Variants in TBC1D8 observed in about 807,000 individuals in gnomAD.
TBC1D8 encodes BUB2-like protein 1.
TBC1D8 carries 65 observed loss-of-function variants against 118.8 expected under a neutral mutation model. That is an observed-to-expected ratio of 0.55 (90% confidence interval 0.45 to 0.67). The LOEUF (loss-of-function observed/expected upper bound fraction) is 0.67. TBC1D8 is among the 30% of genes least tolerant of loss of function. The pLI, the probability that TBC1D8 is intolerant of heterozygous loss-of-function variation, is 0.00. For missense variants in TBC1D8, 1,376 were observed against 1,471.2 expected (o/e 0.94, Z 1.06); for synonymous variants, 566 against 595.8 (o/e 0.95, Z 0.73).
intron 1 of TBC1D8, among the ~76,000 whole-genome samples, chr2:101,117,568 C>CTTTTTT (rs201852112): frequency 1.7e-5 from 2 of 119,700 alleles, no homozygotes; most frequent in Non-Finnish European, 3.4e-5. Flanking sequence ...GGAGGCAGAA[C>CTTTTTT]TTTTTTTTTT....
intron 11 of TBC1D8, among the ~76,000 whole-genome samples, chr2:101,031,295 G>C (rs865951118): frequency 6.6e-6 from 1 of 152,196 alleles, no homozygotes; most frequent in South Asian, 2.1e-4. Flanking sequence ...GAAGGCTCAG[G>C]AAAGGGTACA....
At chr2:101,044,555 G>C (rs1253280303) in intron 5 of TBC1D8, among the ~76,000 whole-genome samples, 1 of 152,146 alleles carries the variant, frequency 6.6e-6, no homozygotes, top group African/African-American at 2.4e-5. Flanking sequence ...GAGAAGAACA[G>C]ACATTGGTGA....
chr2:101,119,894 C>A (rs1678020275), intron 1 of TBC1D8, among the ~76,000 whole-genome samples: 2 of 152,204 alleles, frequency 1.3e-5, no homozygotes, highest in Admixed American at 6.5e-5. Flanking sequence ...ATCAAATATT[C>A]CAGCCTTAGC....
Position 101,038,495 on chromosome 2 carries a change from G to A in TBC1D8, c.1241C>T (p.Pro414Leu), listed in dbSNP as rs771490829. 2.5e-6 allele frequency: 4 copies of A among 1,613,814 alleles called. No individual in the cohort carries two copies. The South Asian group carries it at 4.4e-5, about 18-fold the overall frequency. The change falls in exon 7 of 20, where the codon CCC (proline) becomes CTC (leucine). Residue 414 changes from proline to leucine, a missense_variant. Physicochemically the swap from Pro to Leu is moderately conservative, Grantham distance 98. Transcript: ENST00000409318. Reference sequence around the variant, plus strand: ...ATCCGCAGAGGTGTCGTAGTGCACGGGGTGGTTGGCGTGGACCTGCTTCAA... The same window carrying A: ...ATCCGCAGAGGTGTCGTAGTGCACGAGGTGGTTGGCGTGGACCTGCTTCAA... Reference protein sequence around the residue: ...ARLKQVHANHPVHYDTSADDD... With the variant: ...ARLKQVHANHLVHYDTSADDD...
At position 101,012,818 on chromosome 2, in the gene TBC1D8, T is replaced by G. The variant is rs146722101; in HGVS notation, c.2828-1278A>C. Among the ~76,000 whole-genome samples the G allele has an allele frequency of 2.5e-3, 387 of 152,310 alleles. 4 individuals are homozygous for G. The highest frequency in any genetic ancestry group is 9.0e-3 in the African/African-American group (375 of 41,560). Reference sequence around the variant, plus strand: ...ATAAATCAAAGGCAAAATTCAGCTGTGATTCAACAAGCTTCCACAAGATGG... The same window carrying G: ...ATAAATCAAAGGCAAAATTCAGCTGGGATTCAACAAGCTTCCACAAGATGG... On this transcript the variant is annotated intron_variant, in intron 17 of 19. Transcript: ENST00000409318.
At chr2:101,014,572 A>G (rs1679474340) in intron 17 of TBC1D8, among the ~76,000 whole-genome samples, 1 of 152,154 alleles carries the variant, frequency 6.6e-6, no homozygotes, top group South Asian at 2.1e-4. Flanking sequence ...TCCTGGCTGG[A>G]TTCATCATTT....
intron 5 of TBC1D8, among the ~76,000 whole-genome samples, chr2:101,048,983 C>T (rs147370591): frequency 2.0e-3 from 297 of 152,282 alleles, no homozygotes; most frequent in African/African-American, 6.9e-3. Flanking sequence ...GTGCAGCTCA[C>T]ATTTTGCTGA....
chr2:101,117,550 G>A (rs1447209250), intron 1 of TBC1D8, among the ~76,000 whole-genome samples: 1 of 150,314 alleles, frequency 6.7e-6, no homozygotes, highest in Non-Finnish European at 1.5e-5. Flanking sequence ...GCCTATGACA[G>A]TTGGTTAGGA....
At position 101,127,337 on chromosome 2, in the gene TBC1D8, GA is replaced by G. The variant is rs529661320; in HGVS notation, c.127+23789del. Reference sequence around the variant, plus strand: ...GGCAACAGTGCAAGACTTCATCTCAGAAAAAAAAAAAAAAGAGAAAGAAGGA... The same window carrying G: ...GGCAACAGTGCAAGACTTCATCTCAGAAAAAAAAAAAAAGAGAAAGAAGGA... On this transcript the variant is annotated intron_variant, in intron 1 of 19. Coordinates refer to ENST00000409318, the MANE Select transcript of TBC1D8 (RefSeq NM_001330348.2). Among the ~76,000 whole-genome samples, 296 of 122,604 alleles carry G rather than the reference GA, an allele frequency of 2.4e-3. 1 individual carries two copies. Among genetic ancestry groups the G allele is most frequent in the East Asian group, 0.01 (45 of 4,294 alleles). The allele number at this position is 122,604 out of a possible 152,430, so 80.4% of individuals were successfully genotyped here.
Position 101,151,242 on chromosome 2 carries a change from C to A in TBC1D8, c.12G>T (p.Lys4Asn). ...CGTTCTTCAGCAGCACCTCCTCGGGCTTGAGCCACATCGCGGCGGTCCGGC... is the reference window on the plus strand; with the variant it reads ...CGTTCTTCAGCAGCACCTCCTCGGGATTGAGCCACATCGCGGCGGTCCGGC... Reference protein sequence around the residue: MWLKPEEVLLKNAL... With the variant: MWLNPEEVLLKNAL... Residue 4 changes from lysine to asparagine, a missense_variant, in exon 1 of 20, where the codon AAG (lysine) becomes AAT (asparagine). Physicochemically the swap from Lys to Asn is moderately conservative, Grantham distance 94. Coordinates refer to ENST00000409318, the MANE Select transcript of TBC1D8 (RefSeq NM_001330348.2). 8.3e-7 allele frequency: 1 copy of A among 1,200,306 alleles called. No homozygotes were observed. The highest frequency in any genetic ancestry group is 1.1e-6 in the Non-Finnish European group (1 of 946,128). The allele number at this position is 1,200,306 out of a possible 1,614,324, so 74.4% of individuals were successfully genotyped here.
intron 15 of TBC1D8, among the ~76,000 whole-genome samples, chr2:101,026,039 G>C (rs575132423): frequency 2.0e-5 from 3 of 152,208 alleles, no homozygotes; most frequent in Non-Finnish European, 4.4e-5. Context: ...GGTTGGCTTT[G>C]AAGGCCTTTT....
intron 1 of TBC1D8, among the ~76,000 whole-genome samples, chr2:101,093,869 C>A (rs1406976651): frequency 6.6e-6 from 1 of 152,106 alleles, no homozygotes. Flanking sequence ...GCCACCACGC[C>A]TAGCTAATTT....
chr2:101,151,034 T>G, intron 1 of TBC1D8, 93 bp downstream of exon 1: 1 of 907,024 alleles, frequency 1.1e-6, no homozygotes, highest in Non-Finnish European at 1.3e-6. Context: ...AGAAATCGCC[T>G]CTGGCGACGC....
At chr2:101,078,987 G>A (rs567085850) in intron 2 of TBC1D8, among the ~76,000 whole-genome samples, 3 of 152,192 alleles carry the variant, frequency 2.0e-5, no homozygotes, top group African/African-American at 7.2e-5. Context: ...TGGGCCCCCG[G>A]GGACCTCATG....
At chr2:101,059,211 C>CTTTTTT (rs142846099) in intron 3 of TBC1D8, among the ~76,000 whole-genome samples, 1 of 140,332 alleles carries the variant, frequency 7.1e-6, no homozygotes, top group African/African-American at 2.7e-5. Flanking sequence ...CCAGCCAAGT[C>CTTTTTT]TTTTTTTTTT....
At chr2:101,008,359 A>G (rs1466275462) in intron 19 of TBC1D8, 86 bp from the exon 20 acceptor site, 1 of 1,058,370 alleles carries the variant, frequency 9.4e-7, no homozygotes, top group African/African-American at 1.6e-5. Flanking sequence ...AGCTTTGAGA[A>G]AACGACACAG....
chr2:101,033,775 A>G lies in TBC1D8; in HGVS notation c.1604-17T>C, dbSNP rs1046637522. On this transcript the variant is annotated splice_polypyrimidine_tract_variant and intron_variant, in intron 9 of 19. Transcript: ENST00000409318. ...TCACCGCATCTGAGTTTTAAAAGCA[A>G]TGTTTCAAGGGGGAATGATTACTAG... The G allele has an allele frequency of 5.0e-6, 8 of 1,607,574 alleles. No homozygotes were observed. Among genetic ancestry groups the G allele is most frequent in the Admixed American group, 3.3e-5 (2 of 59,774 alleles).
intron 8 of TBC1D8, 53 bp downstream of exon 8, chr2:101,037,479 C>A (rs1194552144): frequency 9.5e-6 from 15 of 1,585,918 alleles, no homozygotes; most frequent in Non-Finnish European, 1.3e-5. Context: ...GGCAACCCCC[C>A]CAAGCCCACG....
Position 101,032,385 on chromosome 2 carries a change from A to C in TBC1D8, c.1819T>G (p.Ser607Ala). 1 of 1,613,338 alleles carries C rather than the reference A, an allele frequency of 6.2e-7. No homozygotes were observed. The highest frequency in any genetic ancestry group is 8.5e-7 in the Non-Finnish European group (1 of 1,179,368). Residue 607 changes from serine (S) to alanine (A), a missense_variant and splice_region_variant, in exon 11 of 20, where the codon TCC (serine) becomes GCC (alanine). By Grantham distance (99) the Ser-to-Ala change is moderately conservative. Coordinates refer to ENST00000409318, the MANE Select transcript of TBC1D8 (RefSeq NM_001330348.2). The part of the protein sequence containing the change: ...HRNPKIGYCQ[S>A]MNILTSVLLL... ...AGCACGGAGGTCAGGATGTTCATGG[A>C]CTGCTCGGGGGTCAAGGAGGGCAGT... is the stretch of plus-strand genomic sequence containing the variant.
Sources: allele counts gnomAD v4.1 joint callset (sites outside exome capture counted in the v4.1 genomes callset), GRCh38; gene constraint gnomAD v4.1.1; transcripts MANE v1.5; gene names NCBI Gene and HGNC (gene_info 2026-07-23, HGNC 2026-07-21).